VWA3B: variants seen among roughly 807,000 people sequenced by gnomAD.
VWA3B encodes the protein von Willebrand factor A domain containing 3B, also known as von Willebrand factor A domain-containing protein 3B.
In VWA3B, 138 loss-of-function variants were observed where a neutral mutation model predicts 158.3. The ratio of observed to expected loss-of-function variants is 0.87; its 90% CI spans 0.76 to 1.00. The LOEUF (loss-of-function observed/expected upper bound fraction) is 1.00, where lower values mean the gene tolerates loss of function less well. VWA3B is among the 50% of genes least tolerant of loss of function. The pLI is 0.00. For missense variants in VWA3B, 1,555 were observed against 1,565.1 expected, an observed-to-expected ratio of 0.99 and a Z score of 0.11; for synonymous variants, 596 against 587.3, an observed-to-expected ratio of 1.01 and a Z score of -0.21.
At chr2:98,115,534 A>C (rs567982014) in intron 2 of VWA3B, 118 bp from the exon 3 acceptor site, 1 of 749,712 alleles carries the variant, frequency 1.3e-6, no homozygotes, top group Admixed American at 2.3e-5. Context: ...AAGCATCACA[A>C]ATTATTGATG....
chr2:98,125,386 C>T lies in VWA3B; in HGVS notation c.703-2853C>T, dbSNP rs774424882. Among the ~76,000 whole-genome samples, 98 of 152,300 alleles carry T rather than the reference C, an allele frequency of 6.4e-4. No individual in the cohort carries two copies. The highest frequency in any genetic ancestry group is 1.3e-3 in the Non-Finnish European group (89 of 68,020). ...CTTGCCACAAATAGCACAGCGTAGCCGTGGACAGCAAGGGCAGGGCTTGTG... is the reference window on the plus strand; with the variant it reads ...CTTGCCACAAATAGCACAGCGTAGCTGTGGACAGCAAGGGCAGGGCTTGTG... On this transcript the variant is annotated intron_variant, in intron 5 of 27. Transcript: ENST00000477737. The surrounding 1 kb of genome is among the most constrained non-coding windows in gnomAD (Gnocchi z 4.1).
intron 7 of VWA3B, among the ~76,000 whole-genome samples, chr2:98,140,273 C>T (rs1559567483): frequency 6.6e-6 from 1 of 152,232 alleles, no homozygotes; most frequent in African/African-American, 2.4e-5. Flanking sequence ...GATTCTCCTT[C>T]CTCCCAGCAC....
intron 9 of VWA3B, among the ~76,000 whole-genome samples, chr2:98,185,582 C>T (rs530120940): frequency 3.9e-5 from 6 of 152,366 alleles, no homozygotes; most frequent in South Asian, 2.1e-4. Context: ...TTCCGCTCCA[C>T]GCTCACTCCA....
At chr2:98,289,485 A>C (rs1689362820) in intron 22 of VWA3B, among the ~76,000 whole-genome samples, 1 of 152,192 alleles carries the variant, frequency 6.6e-6, no homozygotes, top group African/African-American at 2.4e-5. Flanking sequence ...GAACTTTGAA[A>C]GCTCTACCCC....
intron 22 of VWA3B, among the ~76,000 whole-genome samples, chr2:98,285,979 TAA>T (rs1342173944): frequency 1.3e-5 from 2 of 152,150 alleles, no homozygotes; most frequent in Non-Finnish European, 2.9e-5. Context: ...TTTGAGTGTA[TAA>T]GTCTTCCACT....
chr2:98,305,024 C>T (rs1017578186), intron 26 of VWA3B, among the ~76,000 whole-genome samples: 16 of 152,134 alleles, frequency 1.1e-4, no homozygotes, highest in Admixed American at 6.5e-5. Flanking sequence ...AGAGGCCACA[C>T]GGGACCTCTC....
rs771204523 is a variant in VWA3B at position 98,162,984 on chromosome 2, C to T, written c.1114+8C>T. Reference sequence around the variant, plus strand: ...TGGCCACTGTGGACTGCGGTTGGTGCTATTTCTGGTCACTGGTGTAAAAGA... The same window carrying T: ...TGGCCACTGTGGACTGCGGTTGGTGTTATTTCTGGTCACTGGTGTAAAAGA... On this transcript the variant is annotated splice_region_variant and intron_variant, in intron 8 of 27. Transcript: ENST00000477737. 9 of 1,613,614 alleles carry T rather than the reference C, an allele frequency of 5.6e-6. No individual in the cohort carries two copies. In the South Asian group the frequency reaches 9.9e-5, roughly 18 times the overall value.
intron 12 of VWA3B, among the ~76,000 whole-genome samples, chr2:98,195,865 A>G (rs1359973478): frequency 6.6e-6 from 1 of 152,206 alleles, no homozygotes; most frequent in Non-Finnish European, 1.5e-5. Flanking sequence ...AATGTCCAAA[A>G]TTCATTTTCA....
At chr2:98,281,740 A>G (rs1197800951) in intron 22 of VWA3B, among the ~76,000 whole-genome samples, 3 of 152,148 alleles carry the variant, frequency 2.0e-5, no homozygotes, top group Non-Finnish European at 2.9e-5. Flanking sequence ...TATCACCGAG[A>G]TTGAATCTGA....
At chr2:98,319,438 G>A in the VWA3B span, among the ~76,000 whole-genome samples, 4 of 152,214 alleles carry the variant, frequency 2.6e-5, no homozygotes, top group East Asian at 7.7e-4. Flanking sequence ...AAAATACAAA[G>A]AACTCTTTAA....
chr2:98,254,896 C>T (rs552481547), intron 20 of VWA3B, among the ~76,000 whole-genome samples: 23 of 152,238 alleles, frequency 1.5e-4, no homozygotes, highest in African/African-American at 4.6e-4. Flanking sequence ...TGCAGCCACC[C>T]GAAATGTGTC....
chr2:98,193,892 TGCACTTTTTAATTTAACAAA>T (rs1681810868), intron 11 of VWA3B, among the ~76,000 whole-genome samples: 1 of 152,142 alleles, frequency 6.6e-6, no homozygotes, highest in Admixed American at 6.5e-5. Flanking sequence ...CCAGCCAAAA[TGCACTTTTTAATTTAACAAA>T]GCTCTACTGG....
intron 23 of VWA3B, among the ~76,000 whole-genome samples, chr2:98,295,136 C>T (rs906377026): frequency 2.0e-5 from 3 of 152,012 alleles, no homozygotes; most frequent in African/African-American, 4.8e-5. Flanking sequence ...AGGAAACCTC[C>T]GAGACTGGAG....
At chr2:98,141,550 T>C (rs939193616) in intron 7 of VWA3B, among the ~76,000 whole-genome samples, 3 of 151,980 alleles carry the variant, frequency 2.0e-5, no homozygotes, top group African/African-American at 2.4e-5. Flanking sequence ...GATCTGCCCT[T>C]GTCACCCACA....
intron 7 of VWA3B, among the ~76,000 whole-genome samples, chr2:98,147,089 A>G (rs1283023110): frequency 6.6e-6 from 1 of 152,246 alleles, no homozygotes; most frequent in Non-Finnish European, 1.5e-5. Flanking sequence ...CATGATATAC[A>G]ATTGTGGTGT....
chr2:98,101,097 A>AT (rs1683047794), intron 2 of VWA3B, among the ~76,000 whole-genome samples: 2 of 152,146 alleles, frequency 1.3e-5, no homozygotes, highest in Admixed American at 1.3e-4. Flanking sequence ...GGGATGTGCA[A>AT]GTCCTTTTTG....
downstream of VWA3B, among the ~76,000 whole-genome samples, chr2:98,314,281 G>A (rs1174329850): frequency 1.3e-5 from 2 of 152,198 alleles, no homozygotes; most frequent in African/African-American, 2.4e-5. Context: ...GGAGACCTGC[G>A]GAGTGGCCCT....
chr2:98,118,782 T>G (rs574068668), intron 3 of VWA3B, among the ~76,000 whole-genome samples: 1 of 150,664 alleles, frequency 6.6e-6, no homozygotes, highest in East Asian at 2.1e-4. Context: ...AAAATGTGCT[T>G]TGTCACAGAA....
chr2:98,328,039 C>G, the VWA3B span, among the ~76,000 whole-genome samples: 1 of 152,112 alleles, frequency 6.6e-6, no homozygotes, highest in Admixed American at 6.6e-5. Context: ...CTCTTGCCCT[C>G]CTTCTGTGGG....
Sources: gnomAD v4.1 joint callset for allele counts (sites outside exome capture counted in the v4.1 genomes callset) on GRCh38, gnomAD v4.1.1 for gene constraint, Gnocchi (gnomAD v3.1) non-coding constraint, MANE v1.5 for transcripts, NCBI Gene and HGNC (gene_info 2026-07-23, HGNC 2026-07-21) for gene names.